CRYBA4: variants seen among roughly 807,000 people sequenced by gnomAD.
The protein encoded by CRYBA4 is beta-crystallin A4.
CRYBA4 carries 30 observed loss-of-function variants against 31.7 expected under a neutral mutation model. The ratio of observed to expected loss-of-function variants is 0.95; its 90% CI spans 0.71 to 1.28. The LOEUF (loss-of-function observed/expected upper bound fraction) is 1.28. Among genes scored for constraint, CRYBA4 ranks in the 50% most tolerant of loss-of-function variants. The pLI, the probability that CRYBA4 is intolerant of heterozygous loss-of-function variation, is 0.00. For synonymous variants in CRYBA4, 102 were observed against 102.3 expected, an observed-to-expected ratio of 1.00 and a Z score of 0.02; for missense variants, 225 against 260.7, an observed-to-expected ratio of 0.86 and a Z score of 0.94.
chr22:26,596,858 G>T, the CRYBA4 span: 1 of 152,226 alleles, frequency 6.6e-6, no homozygotes, highest in Non-Finnish European at 1.5e-5. Context: ...GAATCTTGGG[G>T]CTGGATGGGT....
At chr22:26,602,997 A>T in the CRYBA4 span, among the ~76,000 whole-genome samples, 12 of 151,080 alleles carry the variant, frequency 7.9e-5, no homozygotes, top group Middle Eastern at 3.4e-3. Context: ...TGGTGGTGGG[A>T]GCCTGTAGTC....
At chr22:26,613,188 G>C in the CRYBA4 span, among the ~76,000 whole-genome samples, 1 of 152,214 alleles carries the variant, frequency 6.6e-6, no homozygotes, top group Non-Finnish European at 1.5e-5. Flanking sequence ...TCCTCACTAA[G>C]CCTCATGTTT....
At chr22:26,595,853 G>T in the CRYBA4 span, among the ~76,000 whole-genome samples, 1 of 152,028 alleles carries the variant, frequency 6.6e-6, no homozygotes, top group Admixed American at 6.6e-5. Context: ...GCTTACTGCT[G>T]CCTGGAACTC....
At chr22:26,616,922 A>G in the CRYBA4 span, among the ~76,000 whole-genome samples, 1 of 152,238 alleles carries the variant, frequency 6.6e-6, no homozygotes, top group Non-Finnish European at 1.5e-5. Flanking sequence ...CTTTTAAAGT[A>G]TTCTGCCATT....
At chr22:26,613,603 T>G in the CRYBA4 span, among the ~76,000 whole-genome samples, 1 of 152,382 alleles carries the variant, frequency 6.6e-6, no homozygotes, top group South Asian at 2.1e-4. Context: ...TGTGCTTTCC[T>G]ATGCCTGTCT....
intron 4 of CRYBA4, among the ~76,000 whole-genome samples, chr22:26,627,221 G>T (rs975227854): frequency 1.3e-5 from 2 of 152,060 alleles, no homozygotes; most frequent in East Asian, 3.9e-4. Flanking sequence ...CAGAAATCCT[G>T]TCTAACCTCA....
chr22:26,607,755 G>C, the CRYBA4 span: 1 of 1,195,328 alleles, frequency 8.4e-7, no homozygotes, highest in Non-Finnish European at 1.2e-6. Flanking sequence ...AGAATCCACG[G>C]TCCTTTGACA....
intron 5 of CRYBA4, among the ~76,000 whole-genome samples, chr22:26,630,067 G>A (rs894920052): frequency 4.6e-5 from 7 of 152,222 alleles, no homozygotes; most frequent in Non-Finnish European, 4.4e-5. Context: ...GGCCTGATTT[G>A]GGGAACGAGT....
Position 26,623,370 on chromosome 22 carries a change from C to A in CRYBA4, c.158+18C>A. On this transcript the variant is annotated intron_variant, in intron 3 of 5. Transcript: ENST00000354760. Reference sequence around the variant, plus strand: ...AGTGGAGCGTGAGTCTAGGGGGACACTGAGTTGGGGTAGAGGGTGGACAGG... The same window carrying A: ...AGTGGAGCGTGAGTCTAGGGGGACAATGAGTTGGGGTAGAGGGTGGACAGG... 6.3e-7 allele frequency: 1 copy of A among 1,594,690 alleles called. No individual in the cohort carries two copies. Among genetic ancestry groups the A allele is most frequent in the Non-Finnish European group, 8.6e-7 (1 of 1,162,420 alleles).
At chr22:26,619,633 CA>C (rs1215704527), upstream of CRYBA4, among the ~76,000 whole-genome samples, 1 of 152,244 alleles carries the variant, frequency 6.6e-6, no homozygotes, top group Non-Finnish European at 1.5e-5. Context: ...TCTGTCCCTC[CA>C]CCACCCAGCA....
the CRYBA4 span, chr22:26,596,737 C>T: frequency 2.6e-5 from 4 of 152,142 alleles, no homozygotes. Flanking sequence ...ACTCACAGAC[C>T]TTAAGAACTT....
chr22:26,627,076 G>A (rs1351249830), intron 4 of CRYBA4, among the ~76,000 whole-genome samples: 1 of 152,072 alleles, frequency 6.6e-6, no homozygotes, highest in Non-Finnish European at 1.5e-5. Flanking sequence ...GCTAATATAG[G>A]GACCCGTGGC....
chr22:26,626,508 A>G (rs1293031751), intron 4 of CRYBA4, among the ~76,000 whole-genome samples: 2 of 152,268 alleles, frequency 1.3e-5, no homozygotes, highest in African/African-American at 4.8e-5. Context: ...ATAAGTCACC[A>G]TATTTACCAT....
At chr22:26,616,565 G>A in the CRYBA4 span, among the ~76,000 whole-genome samples, 36 of 152,124 alleles carry the variant, frequency 2.4e-4, no homozygotes, top group Non-Finnish European at 4.9e-4. Flanking sequence ...TTGACCATGC[G>A]GTTCCCTCCA....
the CRYBA4 span, among the ~76,000 whole-genome samples, chr22:26,611,770 G>A: frequency 1.3e-5 from 2 of 152,098 alleles, no homozygotes; most frequent in Admixed American, 1.3e-4. Context: ...CACCGCGCCC[G>A]GCCGGGCTAG....
the CRYBA4 span, among the ~76,000 whole-genome samples, chr22:26,596,868 T>C: frequency 1.5e-3 from 223 of 152,198 alleles, 4 homozygotes; most frequent in South Asian, 0.01. Context: ...GCTGGATGGG[T>C]ATTTGAGCTG....
chr22:26,622,540 G>C, intron 1 of CRYBA4, 45 bp from the exon 2 acceptor site: 1 of 1,551,290 alleles, frequency 6.4e-7, no homozygotes, highest in Non-Finnish European at 8.9e-7. Flanking sequence ...AAAGAGGAGA[G>C]CAGAGGGTCA....
intron 5 of CRYBA4, 33 bp from the exon 6 acceptor site, chr22:26,630,307 G>A (rs1409530220): frequency 1.2e-6 from 2 of 1,613,614 alleles, no homozygotes; most frequent in Non-Finnish European, 1.7e-6. Context: ...TGGTGTCTCT[G>A]TAGAGTAACT....
chr22:26,630,516 C>T lies in CRYBA4; in HGVS notation c.*29C>T, dbSNP rs200250035. The T allele has an allele frequency of 5.6e-6, 9 of 1,600,322 alleles. No individual in the cohort carries two copies. The highest frequency in any genetic ancestry group is 1.7e-4 in the Middle Eastern group (1 of 6,006). On this transcript the variant is annotated 3_prime_UTR_variant, in exon 6 of 6. Coordinates refer to ENST00000354760, the MANE Select transcript of CRYBA4 (RefSeq NM_001886.3). ...GGGGTGCGGCACGGAGGAGCGCATG[C>T]GTGCTTATCTGCAATGGAGGCGCTC...
Sources: allele counts gnomAD v4.1 joint callset (sites outside exome capture counted in the v4.1 genomes callset), GRCh38; gene constraint gnomAD v4.1.1; transcripts MANE v1.5; gene names NCBI Gene and HGNC (gene_info 2026-07-23, HGNC 2026-07-21).